The following UGT2B15 variants were observed in gnomAD, a reference collection of about 807,000 sequenced individuals.
The protein encoded by UGT2B15 is UDP-glucuronosyltransferase 2B15.
Under a neutral mutation model 45.9 loss-of-function variants are expected in UGT2B15, and 36 were observed. That is an observed-to-expected ratio of 0.78 (90% CI 0.60 to 1.04). UGT2B15 has a LOEUF of 1.04. Ranked by LOEUF, UGT2B15 falls within the 50% of genes least tolerant of loss-of-function variation. The pLI, the probability that UGT2B15 is intolerant of heterozygous loss-of-function variation, is 0.00. For missense variants in UGT2B15, 617 were observed against 622.4 expected, an observed-to-expected ratio of 0.99 and a Z score of 0.09; for synonymous variants, 219 against 216.4, an observed-to-expected ratio of 1.01 and a Z score of -0.11.
At chr4:68,656,057 T>C (rs1373806040) in intron 3 of UGT2B15, among the ~76,000 whole-genome samples, 1 of 152,114 alleles carries the variant, frequency 6.6e-6, no homozygotes, top group Non-Finnish European at 1.5e-5. Context: ...GAATCTCTGA[T>C]ACCCCAAAAT....
chr4:68,655,065 A>G (rs757478215), intron 4 of UGT2B15, 30 bp downstream of exon 4: 2 of 1,603,458 alleles, frequency 1.2e-6, no homozygotes, highest in East Asian at 2.2e-5. Flanking sequence ...TGTTACTAAT[A>G]TATTCACTGT....
chr4:68,658,594 A>T (rs1732876897), intron 3 of UGT2B15, among the ~76,000 whole-genome samples: 1 of 152,092 alleles, frequency 6.6e-6, no homozygotes, highest in Non-Finnish European at 1.5e-5. Context: ...TAAGACATTG[A>T]TATTGGTTTA....
intron 5 of UGT2B15, among the ~76,000 whole-genome samples, chr4:68,651,191 A>G (rs1044513980): frequency 2.0e-5 from 3 of 151,798 alleles, no homozygotes; most frequent in Admixed American, 6.6e-5. Context: ...TTTTGTTGCA[A>G]TTGCTTTTGG....
chr4:68,650,454 C>A (rs142803107), intron 5 of UGT2B15, among the ~76,000 whole-genome samples: 1 of 152,016 alleles, frequency 6.6e-6, no homozygotes, highest in African/African-American at 2.4e-5. Context: ...GCATTTCATC[C>A]GTGTCCCTGC....
At chr4:68,667,411 A>G (rs1029156731) in intron 2 of UGT2B15, among the ~76,000 whole-genome samples, 3 of 151,952 alleles carry the variant, frequency 2.0e-5, no homozygotes, top group African/African-American at 7.3e-5. Flanking sequence ...CCTGAGCCCA[A>G]GCAATCATGC....
At position 68,657,815 on chromosome 4, in the gene UGT2B15, A is replaced by AT. The variant is rs1024643554; in HGVS notation, c.1006-2634dup. 2.5e-4 allele frequency among the ~76,000 whole-genome samples: 38 copies of AT among 151,960 alleles called. 1 individual carries two copies. The highest frequency in any genetic ancestry group is 8.7e-4 in the African/African-American group (36 of 41,452). On this transcript the variant is annotated intron_variant, in intron 3 of 5. Coordinates refer to ENST00000338206, the MANE Select transcript of UGT2B15 (RefSeq NM_001076.4). Reference sequence around the variant, plus strand: ...CAGGTTTTTGTCTGCAAGCTGGTCAATTTTTTTTATCTCATGGCTAAAGTT... The same window carrying AT: ...CAGGTTTTTGTCTGCAAGCTGGTCAATTTTTTTTTATCTCATGGCTAAAGTT...
intron 1 of UGT2B15, 98 bp downstream of exon 1, chr4:68,669,797 T>C (rs576541637): frequency 1.4e-6 from 2 of 1,475,032 alleles, no homozygotes; most frequent in Non-Finnish European, 1.8e-6. Flanking sequence ...TAATTTCCCT[T>C]AAAAACACTA....
At position 68,670,287 on chromosome 4, in the gene UGT2B15, GA is replaced by G; in HGVS notation, c.331del (p.Ser111HisfsTer23). 2 of 1,613,996 alleles carry G rather than the reference GA, an allele frequency of 1.2e-6. No individual in the cohort carries two copies. The highest frequency in any genetic ancestry group is 8.5e-7 in the Non-Finnish European group (1 of 1,179,988). On this transcript the variant is annotated frameshift_variant, in exon 1 of 6. Coordinates refer to ENST00000338206, the MANE Select transcript of UGT2B15 (RefSeq NM_001076.4). LOFTEE classifies it high-confidence loss of function. ...VSKNTFWSYF[S>X]QLQELCWEYY... Reference sequence around the variant, plus strand: ...TTCCCAACACAATTCTTGTAATTGTGAAAAATATGACCAAAATGTATTTTTT... The same window carrying G: ...TTCCCAACACAATTCTTGTAATTGTGAAAATATGACCAAAATGTATTTTTT...
chr4:68,652,432 T>C (rs993902910), intron 5 of UGT2B15, among the ~76,000 whole-genome samples: 1 of 151,470 alleles, frequency 6.6e-6, no homozygotes, highest in African/African-American at 2.4e-5. Flanking sequence ...ATTTTAATTT[T>C]CTAACCTGTT....
chr4:68,646,973 G>T lies in UGT2B15; in HGVS notation c.*131C>A. On this transcript the variant is annotated 3_prime_UTR_variant, in exon 6 of 6. Transcript: ENST00000338206. ...ATTAAATCCCTGGAAAATAAATTTTGTCTTAACAAGGTAAGTTGTGAAAAG... is the reference window on the plus strand; with the variant it reads ...ATTAAATCCCTGGAAAATAAATTTTTTCTTAACAAGGTAAGTTGTGAAAAG... The T allele has an allele frequency of 2.2e-6, 3 of 1,365,374 alleles. No individual in the cohort carries two copies. The highest frequency in any genetic ancestry group is 4.6e-5 in the East Asian group (2 of 43,254). The allele number at this position is 1,365,374 out of a possible 1,614,324, so 84.6% of individuals were successfully genotyped here.
At chr4:68,667,782 A>G (rs1345212650) in intron 2 of UGT2B15, among the ~76,000 whole-genome samples, 1 of 152,180 alleles carries the variant, frequency 6.6e-6, no homozygotes, top group Non-Finnish European at 1.5e-5. Context: ...GAATCATACT[A>G]TCTTTTGGGT....
At chr4:68,661,507 A>T (rs192247157) in intron 3 of UGT2B15, among the ~76,000 whole-genome samples, 6 of 152,120 alleles carry the variant, frequency 3.9e-5, no homozygotes, top group African/African-American at 1.2e-4. Flanking sequence ...TACTAGCTGT[A>T]ACCTTCCAAA....
At chr4:68,657,985 C>T (rs1732859835) in intron 3 of UGT2B15, among the ~76,000 whole-genome samples, 1 of 152,024 alleles carries the variant, frequency 6.6e-6, no homozygotes, top group Non-Finnish European at 1.5e-5. Context: ...TTTTTTGTCT[C>T]TGTACCTTAT....
chr4:68,648,701 G>T (rs1178956776), intron 5 of UGT2B15, among the ~76,000 whole-genome samples: 1 of 151,988 alleles, frequency 6.6e-6, no homozygotes, highest in East Asian at 1.9e-4. Context: ...CTGCATAGAA[G>T]AACTCTCTCC....
chr4:68,657,857 A>G (rs1292042657), intron 3 of UGT2B15, among the ~76,000 whole-genome samples: 1 of 152,106 alleles, frequency 6.6e-6, no homozygotes. Flanking sequence ...TAAAAGCCAT[A>G]GAATCTTTTG....
chr4:68,649,199 G>A (rs1192387884), intron 5 of UGT2B15, among the ~76,000 whole-genome samples: 1 of 148,636 alleles, frequency 6.7e-6, no homozygotes, highest in Non-Finnish European at 1.5e-5. Flanking sequence ...TTATGAATTT[G>A]AATCTGATAC....
chr4:68,660,359 C>T (rs1328636968), intron 3 of UGT2B15, among the ~76,000 whole-genome samples: 2 of 151,610 alleles, frequency 1.3e-5, no homozygotes, highest in Non-Finnish European at 2.9e-5. Context: ...TTTGGAACCC[C>T]AAGAGGAGAG....
At chr4:68,663,522 G>A (rs1307645504) in intron 2 of UGT2B15, among the ~76,000 whole-genome samples, 2 of 151,542 alleles carry the variant, frequency 1.3e-5, no homozygotes, top group Non-Finnish European at 2.9e-5. Flanking sequence ...TTTTTTTTGT[G>A]GTTCTACTAA....
chr4:68,646,875 T>C lies in UGT2B15; in HGVS notation c.*229A>G. 6.1e-6 allele frequency: 4 copies of C among 661,112 alleles called. No homozygotes were observed. The highest frequency in any genetic ancestry group is 9.6e-6 in the Non-Finnish European group (4 of 414,582). The allele number at this position is 661,112 out of a possible 1,614,324, so 41.0% of individuals were successfully genotyped here. On this transcript the variant is annotated 3_prime_UTR_variant, in exon 6 of 6. Coordinates refer to ENST00000338206, the MANE Select transcript of UGT2B15 (RefSeq NM_001076.4). ...ATTTAACATTAGGTATATCTCCAAATGCTATCCTTCCCCCCATTGTATTTT... is the reference window on the plus strand; with the variant it reads ...ATTTAACATTAGGTATATCTCCAAACGCTATCCTTCCCCCCATTGTATTTT...
Sources: gnomAD v4.1 joint callset for allele counts (sites outside exome capture counted in the v4.1 genomes callset) on GRCh38, gnomAD v4.1.1 for gene constraint, MANE v1.5 for transcripts, NCBI Gene and HGNC (gene_info 2026-07-23, HGNC 2026-07-21) for gene names.